The following P2RY2 variants were observed in gnomAD, a reference collection of about 807,000 sequenced individuals.
P2RY2 encodes P2Y purinoceptor 2.
For synonymous variants in P2RY2, 241 were observed against 231.9 expected, an observed-to-expected ratio of 1.04 and a Z score of -0.35; for missense variants, 567 against 515.7, an observed-to-expected ratio of 1.10 and a Z score of -0.96.
chr11:73,237,234 G>A lies in P2RY2; in HGVS notation c.*1941G>A, dbSNP rs571408727. ...GTTCTATACTTCTGTTAATGTAGCC[G>A]ATGTCCTTCTGAGTTTTTTTTTTCT... is the stretch of plus-strand genomic sequence containing the variant. On this transcript the variant is annotated 3_prime_UTR_variant, in exon 3 of 3. Coordinates refer to ENST00000393597, the MANE Select transcript of P2RY2 (RefSeq NM_002564.4). 10 of 529,782 alleles carry A rather than the reference G, an allele frequency of 1.9e-5. No individual in the cohort carries two copies. The East Asian group carries it at 4.5e-4, about 24-fold the overall frequency. The allele number at this position is 529,782 out of a possible 1,614,324, so 32.8% of individuals were successfully genotyped here.
chr11:73,218,729 G>C (rs879332576), intron 1 of P2RY2: 16 of 152,544 alleles, frequency 1.0e-4, no homozygotes, highest in Non-Finnish European at 2.3e-4. Flanking sequence ...GTGTTAGCGG[G>C]TGAGTGTGTG....
rs532447201 is a variant in P2RY2, at chr11:73,242,396, A to G, written c.*7103A>G. On this transcript the variant is annotated 3_prime_UTR_variant, in exon 3 of 3. Coordinates refer to ENST00000393597, the MANE Select transcript of P2RY2 (RefSeq NM_002564.4). ...GTTTATGTGTGTGTTGAATGATCAC[A>G]TGTTCCAGGGAGGATGGTGAGGGGC... 6.6e-6 allele frequency: 1 copy of G among 152,562 alleles called. No homozygotes were observed. The highest frequency in any genetic ancestry group is 2.4e-5 in the African/African-American group (1 of 41,544). 9.5% of individuals were successfully genotyped at this position (152,562 alleles called of 1,614,324 possible).
In P2RY2 at chr11:73,236,993, C is replaced by T. The variant is rs145827710; in HGVS notation, c.*1700C>T. On this transcript the variant is annotated 3_prime_UTR_variant, in exon 3 of 3. Coordinates refer to ENST00000393597, the MANE Select transcript of P2RY2 (RefSeq NM_002564.4). ...CTCTGGGAGAGCCCTCGCCCTGTGG[C>T]CCACTCTGCCTGCCCCCTCTGACCT... 5 of 985,292 alleles carry T rather than the reference C, an allele frequency of 5.1e-6. No homozygotes were observed. In the East Asian group the frequency reaches 4.6e-4, roughly 90 times the overall value. The allele number at this position is 985,292 out of a possible 1,614,324, so 61.0% of individuals were successfully genotyped here. A position where few individuals can be genotyped will look rare whatever the true frequency, so the allele number is the denominator to read the frequency against.
Position 73,235,182 on chromosome 11 carries a change from C to T in P2RY2, c.1023C>T (p.Ser341=), listed in dbSNP as rs754347715. The part of the protein sequence containing the change: ...PARRRLGLRR[S]DRTDMQRIED... ...GCCGCAGGCTGGGCCTGCGCAGATCCGACAGAACTGACATGCAGAGGATAG... is the reference window on the plus strand; with the variant it reads ...GCCGCAGGCTGGGCCTGCGCAGATCTGACAGAACTGACATGCAGAGGATAG... Residue 341 remains serine, a synonymous_variant, in exon 3 of 3, where the codon TCC becomes TCT. Coordinates refer to ENST00000393597, the MANE Select transcript of P2RY2 (RefSeq NM_002564.4). 8 of 1,611,314 alleles carry T rather than the reference C, an allele frequency of 5.0e-6. No homozygotes were observed. Among genetic ancestry groups the T allele is most frequent in the East Asian group, 2.2e-5 (1 of 44,902 alleles).
chr11:73,235,325 A>T lies in P2RY2; in HGVS notation c.*32A>T. 1 of 1,518,742 alleles carries T rather than the reference A, an allele frequency of 6.6e-7. No homozygotes were observed. Among genetic ancestry groups the T allele is most frequent in the South Asian group, 1.3e-5 (1 of 75,668 alleles). The allele number at this position is 1,518,742 out of a possible 1,614,324, so 94.1% of individuals were successfully genotyped here. A position where few individuals can be genotyped will look rare whatever the true frequency, so the allele number is the denominator to read the frequency against. ...AACACTTCAGCCTGTGCAGGTTTATATTGGGAAGCTGTAGAGGACCAGGAC... is the reference window on the plus strand; with the variant it reads ...AACACTTCAGCCTGTGCAGGTTTATTTTGGGAAGCTGTAGAGGACCAGGAC... On this transcript the variant is annotated 3_prime_UTR_variant, in exon 3 of 3. Coordinates refer to ENST00000393597, the MANE Select transcript of P2RY2 (RefSeq NM_002564.4).
rs1395451902 is a variant in P2RY2 at position 73,234,651 on chromosome 11, C to A, written c.492C>A (p.Cys164Ter). ...CCGTGTGGGTGTTGGTGCTGGCCTG[C>A]CAGGCCCCCGTGCTCTACTTTGTCA... ...AGAVWVLVLA[C>*]QAPVLYFVTT... The change falls in exon 3 of 3, where the codon TGC (cysteine) becomes TGA (stop). Residue 164 changes from cysteine to a stop codon, truncating the protein, a stop_gained. Transcript: ENST00000393597. LOFTEE classifies it low-confidence loss of function (END_TRUNC). The A allele has an allele frequency of 1.3e-6, 2 of 1,579,806 alleles. No homozygotes were observed. Among genetic ancestry groups the A allele is most frequent in the Non-Finnish European group, 1.7e-6 (2 of 1,162,128 alleles).
chr11:73,228,925 G>A (rs2135638621), intron 2 of P2RY2, among the ~76,000 whole-genome samples: 1 of 152,328 alleles, frequency 6.6e-6, no homozygotes, highest in East Asian at 1.9e-4. Context: ...TTATGGGAGT[G>A]TGCAGAGGCT....
intron 2 of P2RY2, among the ~76,000 whole-genome samples, chr11:73,229,782 G>A (rs1862394000): frequency 6.6e-6 from 1 of 152,106 alleles, no homozygotes; most frequent in African/African-American, 2.4e-5. Flanking sequence ...AGGGTGATGA[G>A]ATGTTTATGT....
At chr11:73,230,189 C>T (rs1862408976) in intron 2 of P2RY2, among the ~76,000 whole-genome samples, 1 of 152,084 alleles carries the variant, frequency 6.6e-6, no homozygotes, top group African/African-American at 2.4e-5. Flanking sequence ...AAGCTCCAGA[C>T]CTGAGGGACC....
intron 1 of P2RY2, among the ~76,000 whole-genome samples, chr11:73,219,260 G>A (rs1186024084): frequency 6.6e-6 from 1 of 152,192 alleles, no homozygotes; most frequent in African/African-American, 2.4e-5. Context: ...TGAGTTTTGA[G>A]GATCTGGGTG....
intron 1 of P2RY2, among the ~76,000 whole-genome samples, chr11:73,221,558 G>A (rs907680806): frequency 6.6e-5 from 10 of 152,152 alleles, no homozygotes; most frequent in East Asian, 1.9e-4. Context: ...ACCTGCCCAC[G>A]GGACCAGAGA....
At position 73,237,141 on chromosome 11, in the gene P2RY2, T is replaced by G. The variant is rs1591643133; in HGVS notation, c.*1848T>G. ...CATCACAGACCATGACCCAAATGAT[T>G]ACTCTGTACTGTGCCAGGTGGGTGA... On this transcript the variant is annotated 3_prime_UTR_variant, in exon 3 of 3. Transcript: ENST00000393597. 2 of 984,838 alleles carry G rather than the reference T, an allele frequency of 2.0e-6. No individual in the cohort carries two copies. The highest frequency in any genetic ancestry group is 2.4e-6 in the Non-Finnish European group (2 of 829,410). The allele number at this position is 984,838 out of a possible 1,614,324, so 61.0% of individuals were successfully genotyped here. A position where few individuals can be genotyped will look rare whatever the true frequency, so the allele number is the denominator to read the frequency against.
chr11:73,236,530 C>T lies in P2RY2; in HGVS notation c.*1237C>T, dbSNP rs1165390000. 8.6e-5 allele frequency: 84 copies of T among 981,970 alleles called. No individual in the cohort carries two copies. The highest frequency in any genetic ancestry group is 9.7e-5 in the Non-Finnish European group (80 of 826,978). The allele number at this position is 981,970 out of a possible 1,614,324, so 60.8% of individuals were successfully genotyped here. A position where few individuals can be genotyped will look rare whatever the true frequency, so the allele number is the denominator to read the frequency against. ...AGCTCACCGGAAGAACATCCACACA[C>T]AGGATGCATCCCAGGCAAAGACATG... On this transcript the variant is annotated 3_prime_UTR_variant, in exon 3 of 3. Coordinates refer to ENST00000393597, the MANE Select transcript of P2RY2 (RefSeq NM_002564.4).
At position 73,236,503 on chromosome 11, in the gene P2RY2, G is replaced by T. The variant is rs1028710718; in HGVS notation, c.*1210G>T. The T allele has an allele frequency of 3.1e-6, 3 of 956,176 alleles. No individual in the cohort carries two copies. In the African/African-American group the frequency reaches 5.3e-5, roughly 17 times the overall value. 59.2% of individuals were successfully genotyped at this position (956,176 alleles called of 1,614,324 possible). On this transcript the variant is annotated 3_prime_UTR_variant, in exon 3 of 3. Coordinates refer to ENST00000393597, the MANE Select transcript of P2RY2 (RefSeq NM_002564.4). Reference sequence around the variant, plus strand: ...TCCTGAGCTGTAGCTTCTGAGAAAAGCAGCTCACCGGAAGAACATCCACAC... The same window carrying T: ...TCCTGAGCTGTAGCTTCTGAGAAAATCAGCTCACCGGAAGAACATCCACAC...
chr11:73,227,677 A>G (rs1862318743), intron 1 of P2RY2, among the ~76,000 whole-genome samples: 1 of 152,132 alleles, frequency 6.6e-6, no homozygotes, highest in African/African-American at 2.4e-5. Context: ...GACCGAGGGA[A>G]GGGACACTGG....
In P2RY2 at chr11:73,234,301, C is replaced by A; in HGVS notation, c.142C>A (p.Leu48Met). The A allele has an allele frequency of 6.2e-7, 1 of 1,613,816 alleles. No individual in the cohort carries two copies. Among genetic ancestry groups the A allele is most frequent in the Non-Finnish European group, 8.5e-7 (1 of 1,179,774 alleles). The change falls in exon 3 of 3, where the codon CTG becomes ATG. Residue 48 changes from leucine (L) to methionine (M), a missense_variant. Coordinates refer to ENST00000393597, the MANE Select transcript of P2RY2 (RefSeq NM_002564.4). ...CTACGGCGTGGTGTGCGTGCCTGGG[C>A]TGTGTCTGAACGCCGTGGCGCTCTA... ...VSYGVVCVPG[L>M]CLNAVALYIF...
chr11:73,236,329 C>A lies in P2RY2; in HGVS notation c.*1036C>A. 1 of 390,746 alleles carries A rather than the reference C, an allele frequency of 2.6e-6. No homozygotes were observed. Among genetic ancestry groups the A allele is most frequent in the Non-Finnish European group, 3.7e-6 (1 of 272,798 alleles). 24.2% of individuals were successfully genotyped at this position (390,746 alleles called of 1,614,324 possible). ...CTTATGGCCAAATTCAAACTATAAA[C>A]ATGATGTCAACTTCCTTGTAAAATT... is the stretch of plus-strand genomic sequence containing the variant. On this transcript the variant is annotated 3_prime_UTR_variant, in exon 3 of 3. Transcript: ENST00000393597.
Position 73,236,046 on chromosome 11 carries a change from G to C in P2RY2, c.*753G>C, listed in dbSNP as rs1220958343. On this transcript the variant is annotated 3_prime_UTR_variant, in exon 3 of 3. Coordinates refer to ENST00000393597, the MANE Select transcript of P2RY2 (RefSeq NM_002564.4). ...CCTTCTGCCACCTGCCTTCTCACTA[G>C]CTGTCTCAGGAGTAGTCTCATATCA... 3.0e-6 allele frequency: 3 copies of C among 999,214 alleles called. No homozygotes were observed. The African/African-American group carries it at 5.2e-5, about 17-fold the overall frequency. The allele number at this position is 999,214 out of a possible 1,614,324, so 61.9% of individuals were successfully genotyped here. A position where few individuals can be genotyped will look rare whatever the true frequency, so the allele number is the denominator to read the frequency against.
In P2RY2 at chr11:73,228,130, C is replaced by CGTGCA. The variant is rs1288277728; in HGVS notation, c.-48_-44dup. The CGTGCA allele has an allele frequency of 1.4e-5, 2 of 141,780 alleles. No individual in the cohort carries two copies. The highest frequency in any genetic ancestry group is 1.5e-4 in the Admixed American group (2 of 13,094). 8.8% of individuals were successfully genotyped at this position (141,780 alleles called of 1,614,324 possible). On this transcript the variant is annotated 5_prime_UTR_variant, in exon 2 of 3. An upstream open reading frame in the 5' UTR gains an earlier in-frame stop. Coordinates refer to ENST00000393597, the MANE Select transcript of P2RY2 (RefSeq NM_002564.4). ...CGTGTGCATTCATGAGTGAGGAACCCGTGCAGGCGCTGAGCATCCTGACCT... is the reference window on the plus strand; with the variant it reads ...CGTGTGCATTCATGAGTGAGGAACCCGTGCAGTGCAGGCGCTGAGCATCCTGACCT...
Sources: allele counts gnomAD v4.1 joint callset (sites outside exome capture counted in the v4.1 genomes callset), GRCh38; gene constraint gnomAD v4.1.1; transcripts MANE v1.5; gene names NCBI Gene and HGNC (gene_info 2026-07-23, HGNC 2026-07-21).